Variants in DYNC2I1 observed in about 807,000 individuals in gnomAD.
The protein encoded by DYNC2I1 is cytoplasmic dynein 2 intermediate chain 1.
DYNC2I1 carries 89 observed loss-of-function variants against 133.4 expected under a neutral mutation model. That is an observed-to-expected ratio of 0.67 (90% CI 0.56 to 0.80). DYNC2I1 has a LOEUF of 0.80. Among genes scored for constraint, DYNC2I1 ranks in the 30% least tolerant of loss-of-function variants. The probability of loss-of-function intolerance (pLI) is 0.00; values close to 1 mark genes in which losing one functional copy is unlikely to be tolerated. For missense variants in DYNC2I1, 1,291 were observed against 1,314.5 expected, an observed-to-expected ratio of 0.98 and a Z score of 0.28; for synonymous variants, 504 against 484.3, an observed-to-expected ratio of 1.04 and a Z score of -0.54.
At chr7:158,927,106 T>C in intron 20 of DYNC2I1, 63 bp downstream of exon 20, 2 of 1,254,410 alleles carry the variant, frequency 1.6e-6, no homozygotes, top group Middle Eastern at 2.6e-4. Context: ...TTAAAAGTAC[T>C]GATAACTGCG....
chr7:158,891,173 C>T (rs1353576775), intron 7 of DYNC2I1, 92 bp from the exon 8 acceptor site: 3 of 1,414,402 alleles, frequency 2.1e-6, no homozygotes, highest in Non-Finnish European at 3.0e-6. Flanking sequence ...GGCTGGCGGG[C>T]TCCGCAGTGG....
At chr7:158,887,857 T>A (rs572129259) in intron 7 of DYNC2I1, among the ~76,000 whole-genome samples, 14 of 152,292 alleles carry the variant, frequency 9.2e-5, no homozygotes, top group African/African-American at 3.4e-4. Context: ...CAGGGAGAAT[T>A]GTACCCTGTG....
chr7:158,865,157 G>A (rs571816819), intron 1 of DYNC2I1, among the ~76,000 whole-genome samples: 3 of 152,314 alleles, frequency 2.0e-5, no homozygotes, highest in Admixed American at 2.0e-4. Flanking sequence ...CTGAAGTGAG[G>A]TTTTGGCTTC....
At chr7:158,874,685 C>A (rs996081050) in intron 3 of DYNC2I1, among the ~76,000 whole-genome samples, 1 of 152,226 alleles carries the variant, frequency 6.6e-6, no homozygotes, top group African/African-American at 2.4e-5. Context: ...TCCTCTCCAG[C>A]AACCCCTTGC....
At chr7:158,856,506 C>T (rs1463458850), upstream of DYNC2I1, 4 of 401,014 alleles carry the variant, frequency 1.0e-5, no homozygotes, top group Non-Finnish European at 8.6e-6. Context: ...CTCGGCCTTC[C>T]CCTGCTCCTG....
rs1280125414 is a variant in DYNC2I1, at chr7:158,914,225, T to C, written c.1703-8T>C. On this transcript the variant is annotated splice_polypyrimidine_tract_variant and splice_region_variant and intron_variant, in intron 13 of 24. Coordinates refer to ENST00000407559, the MANE Select transcript of DYNC2I1 (RefSeq NM_018051.5). Reference sequence around the variant, plus strand: ...CTTCGTTGATTTTATATAAACTGTTTTTTTTAGGCAGTGAACAAAGAGATA... The same window carrying C: ...CTTCGTTGATTTTATATAAACTGTTCTTTTTAGGCAGTGAACAAAGAGATA... The C allele has an allele frequency of 6.2e-7, 1 of 1,605,432 alleles. No individual in the cohort carries two copies. The highest frequency in any genetic ancestry group is 1.1e-5 in the South Asian group (1 of 89,486).
intron 4 of DYNC2I1, among the ~76,000 whole-genome samples, chr7:158,878,218 G>A (rs1461442594): frequency 2.8e-3 from 263 of 92,376 alleles, no homozygotes; most frequent in Middle Eastern, 9.4e-3. Context: ...GCCGGGTGCT[G>A]TGTGGGGAGG....
rs1197545385 is a variant in DYNC2I1, at chr7:158,906,180, GC to G, written c.1460+90del. 4.4e-6 allele frequency: 5 copies of G among 1,141,076 alleles called. No homozygotes were observed. In the African/African-American group the frequency reaches 7.9e-5, roughly 18 times the overall value. The allele number at this position is 1,141,076 out of a possible 1,614,324, so 70.7% of individuals were successfully genotyped here. A position where few individuals can be genotyped will look rare whatever the true frequency, so the allele number is the denominator to read the frequency against. Reference sequence around the variant, plus strand: ...CTTTTAAAAAATCGAGTTTTAAAATGCATTTTTACTACTGTTTTTTGGGGTG... The same window carrying G: ...CTTTTAAAAAATCGAGTTTTAAAATGATTTTTACTACTGTTTTTTGGGGTG... On this transcript the variant is annotated intron_variant, in intron 11 of 24. Transcript: ENST00000407559.
At chr7:158,941,040 G>T (rs562726716) in intron 23 of DYNC2I1, among the ~76,000 whole-genome samples, 1 of 152,102 alleles carries the variant, frequency 6.6e-6, no homozygotes, top group South Asian at 2.1e-4. Flanking sequence ...TGAAATGAAA[G>T]GTTAGGTTTT....
chr7:158,951,463 T>G (rs1052889878), intron 4 of DYNC2I1, among the ~76,000 whole-genome samples: 1 of 152,174 alleles, frequency 6.6e-6, no homozygotes, highest in Non-Finnish European at 1.5e-5. Flanking sequence ...CAGCCAGGCC[T>G]GGAGGTGCAG....
At chr7:158,850,164 C>A in the DYNC2I1 span, among the ~76,000 whole-genome samples, 1 of 152,102 alleles carries the variant, frequency 6.6e-6, no homozygotes, top group African/African-American at 2.4e-5. Flanking sequence ...GTGCAGGCTA[C>A]AGAGACACCT....
Position 158,932,448 on chromosome 7 carries a change from A to G in DYNC2I1, c.2547-1681A>G, listed in dbSNP as rs184748360. Among the ~76,000 whole-genome samples the G allele has an allele frequency of 5.1e-3, 781 of 152,098 alleles. 24 individuals are homozygous for G. Among genetic ancestry groups the G allele is most frequent in the East Asian group, 5.8e-3 (30 of 5,174 alleles). On this transcript the variant is annotated intron_variant, in intron 21 of 24. Transcript: ENST00000407559. Reference sequence around the variant, plus strand: ...AGGGAGGCAGGTGAGCCAGGCCCTAACGAGTCTGTCTGCCGTGCTAAAGGG... The same window carrying G: ...AGGGAGGCAGGTGAGCCAGGCCCTAGCGAGTCTGTCTGCCGTGCTAAAGGG...
At chr7:158,859,204 T>C (rs1841653784) in intron 1 of DYNC2I1, among the ~76,000 whole-genome samples, 1 of 151,324 alleles carries the variant, frequency 6.6e-6, no homozygotes, top group African/African-American at 2.4e-5. Context: ...GGAAGAAAAC[T>C]GTATGCCCTA....
rs74984170 is a variant in DYNC2I1, at chr7:158,865,173, C to T, written c.16-4682C>T. Among the ~76,000 whole-genome samples, 934 of 152,324 alleles carry T rather than the reference C, an allele frequency of 6.1e-3. 60 individuals are homozygous for T. The East Asian group carries it at 0.13, about 21-fold the overall frequency. Reference sequence around the variant, plus strand: ...TGAAGTGAGGTTTTGGCTTCACCACCTCTGATGGTGCACCTTGGAGGTGAT... The same window carrying T: ...TGAAGTGAGGTTTTGGCTTCACCACTTCTGATGGTGCACCTTGGAGGTGAT... On this transcript the variant is annotated intron_variant, in intron 1 of 24. Transcript: ENST00000407559.
intron 1 of DYNC2I1, among the ~76,000 whole-genome samples, chr7:158,857,292 TAAG>T (rs1180189798): frequency 2.0e-5 from 3 of 152,148 alleles, no homozygotes; most frequent in Non-Finnish European, 2.9e-5. Flanking sequence ...ATAGGGTGTT[TAAG>T]AAGGTTAAGT....
the DYNC2I1 span, among the ~76,000 whole-genome samples, chr7:158,844,931 C>T: frequency 6.6e-6 from 1 of 152,038 alleles, no homozygotes; most frequent in African/African-American, 2.4e-5. Context: ...TAATTGCTCT[C>T]GTTCTATCTT....
intron 3 of DYNC2I1, among the ~76,000 whole-genome samples, chr7:158,872,341 C>T (rs1440156240): frequency 6.6e-6 from 1 of 151,506 alleles, no homozygotes; most frequent in Non-Finnish European, 1.5e-5. Context: ...GCTCTAAAAA[C>T]CATTTAGCCA....
chr7:158,869,416 T>C (rs1212684662), intron 1 of DYNC2I1: 1 of 470,250 alleles, frequency 2.1e-6, no homozygotes, highest in East Asian at 7.0e-5. Context: ...AGGCCCATGA[T>C]ACCTTCTGTC....
intron 7 of DYNC2I1, among the ~76,000 whole-genome samples, chr7:158,889,455 T>G (rs1844968966): frequency 6.6e-6 from 1 of 152,124 alleles, no homozygotes; most frequent in African/African-American, 2.4e-5. Context: ...ATTTTTTTTG[T>G]GGATACATTT....
Sources: allele counts gnomAD v4.1 joint callset (sites outside exome capture counted in the v4.1 genomes callset), GRCh38; gene constraint gnomAD v4.1.1; transcripts MANE v1.5; gene names NCBI Gene and HGNC (gene_info 2026-07-23, HGNC 2026-07-21).